The following TBCK variants were observed in gnomAD, a reference collection of about 807,000 sequenced individuals.
The protein encoded by TBCK is TBC domain-containing protein kinase-like protein.
TBCK carries 99 observed loss-of-function variants against 113.4 expected under a neutral mutation model. The observed-to-expected ratio is 0.87, with a 90% confidence interval of 0.74 to 1.03. The LOEUF (loss-of-function observed/expected upper bound fraction) is 1.03, where lower values mean the gene tolerates loss of function less well. Ranked by LOEUF, TBCK falls within the 50% of genes least tolerant of loss-of-function variation. The probability of loss-of-function intolerance (pLI) is 0.00; values close to 1 mark genes in which losing one functional copy is unlikely to be tolerated. For synonymous variants in TBCK, 369 were observed against 370.8 expected (o/e 1.00, Z 0.05); for missense variants, 1,045 against 1,061.3 (o/e 0.98, Z 0.21).
chr4:106,266,512 C>T (rs967258119), intron 3 of TBCK, among the ~76,000 whole-genome samples: 1 of 151,902 alleles, frequency 6.6e-6, no homozygotes, highest in African/African-American at 2.4e-5. Context: ...ACTCTCTATA[C>T]TGTGCTTTTG....
chr4:106,228,602 T>C (rs1181592592), intron 19 of TBCK, among the ~76,000 whole-genome samples: 1 of 152,078 alleles, frequency 6.6e-6, no homozygotes, highest in African/African-American at 2.4e-5. Flanking sequence ...TGAATAGTAC[T>C]CCATTGTGTA....
At chr4:106,189,642 T>G (rs908085415) in intron 22 of TBCK, among the ~76,000 whole-genome samples, 1 of 152,176 alleles carries the variant, frequency 6.6e-6, no homozygotes, top group African/African-American at 2.4e-5. Context: ...TTGAAAAAAA[T>G]GTAGAGAGAT....
chr4:106,237,533 C>G (rs1399175135), intron 12 of TBCK: 1 of 455,716 alleles, frequency 2.2e-6, no homozygotes, highest in African/African-American at 2.0e-5. Flanking sequence ...GGCAGAATGT[C>G]TGCTCCTATG....
At chr4:106,065,673 A>AT (rs1295639863) in intron 25 of TBCK, among the ~76,000 whole-genome samples, 1 of 151,980 alleles carries the variant, frequency 6.6e-6, no homozygotes, top group Non-Finnish European at 1.5e-5. Context: ...AGATTATCTG[A>AT]TTTTTCTTAA....
intron 25 of TBCK, among the ~76,000 whole-genome samples, chr4:106,063,595 G>T (rs892528060): frequency 6.6e-6 from 1 of 151,920 alleles, no homozygotes; most frequent in African/African-American, 2.4e-5. Flanking sequence ...GCAAAGGGGG[G>T]AAGGTGACAG....
At chr4:106,316,662 C>T, upstream of TBCK, 1 of 1,492,556 alleles carries the variant, frequency 6.7e-7, no homozygotes, top group Non-Finnish European at 9.1e-7. Flanking sequence ...TCTTCCTTCT[C>T]TAACTTGCCT....
chr4:106,216,323 A>G (rs1468935419), intron 19 of TBCK, among the ~76,000 whole-genome samples: 1 of 151,972 alleles, frequency 6.6e-6, no homozygotes, highest in Non-Finnish European at 1.5e-5. Flanking sequence ...AAGCAAGAGC[A>G]AACACATTCA....
Position 106,250,440 on chromosome 4 carries a change from T to G in TBCK, c.636A>C (p.Arg212Ser), listed in dbSNP as rs776987269. ...TACCCAAAGTAAGCAAAAATTTTAG[T>G]CTTTCAGAAATATCCAAGCTCTGAA... is the stretch of plus-strand genomic sequence containing the variant. ...KLFQSLDISE[R>S]LKFLLTLDCV... is the part of the protein sequence containing the mutation. Residue 212 changes from arginine to serine, a missense_variant, in exon 7 of 26, where the codon AGA (arginine) becomes AGC (serine). By Grantham distance (110) the Arg-to-Ser change is moderately radical. Transcript: ENST00000394708. 1 of 1,568,988 alleles carries G rather than the reference T, an allele frequency of 6.4e-7. No homozygotes were observed. Among genetic ancestry groups the G allele is most frequent in the Non-Finnish European group, 8.7e-7 (1 of 1,148,774 alleles).
rs1213112639 is a variant in TBCK, at chr4:106,046,445, T to G, written c.*125A>C. On this transcript the variant is annotated 3_prime_UTR_variant, in exon 26 of 26. Transcript: ENST00000394708. ...TTATGAGATTTTAAAAAATGTCTCGTGACAAACTTTACGGAAATGCAACAA... is the reference window on the plus strand; with the variant it reads ...TTATGAGATTTTAAAAAATGTCTCGGGACAAACTTTACGGAAATGCAACAA... 3 of 579,762 alleles carry G rather than the reference T, an allele frequency of 5.2e-6. No individual in the cohort carries two copies. Among genetic ancestry groups the G allele is most frequent in the Non-Finnish European group, 9.3e-6 (3 of 323,740 alleles). The allele number at this position is 579,762 out of a possible 1,614,324, so 35.9% of individuals were successfully genotyped here.
intron 23 of TBCK, among the ~76,000 whole-genome samples, chr4:106,126,693 C>A (rs922239105): frequency 2.6e-5 from 4 of 152,072 alleles, no homozygotes; most frequent in Non-Finnish European, 5.9e-5. Context: ...TTCTGCAGAG[C>A]AGAATCAATT....
intron 20 of TBCK, among the ~76,000 whole-genome samples, chr4:106,207,350 G>A (rs1413736731): frequency 6.6e-6 from 1 of 152,130 alleles, no homozygotes; most frequent in Non-Finnish European, 1.5e-5. Context: ...AAAGATTAAT[G>A]AGGGCTTACT....
chr4:106,309,049 A>G, intron 1 of TBCK, 60 bp from the exon 2 acceptor site: 2 of 1,141,940 alleles, frequency 1.8e-6, no homozygotes, highest in Non-Finnish European at 2.5e-6. Context: ...CCAAATCTTA[A>G]GCATGATTAA....
At chr4:106,142,263 T>G (rs540293192) in intron 23 of TBCK, among the ~76,000 whole-genome samples, 1 of 152,306 alleles carries the variant, frequency 6.6e-6, no homozygotes, top group East Asian at 1.9e-4. Context: ...GCAGGGTTTT[T>G]AAGTTGCTCA....
chr4:106,073,951 G>A lies in TBCK; in HGVS notation c.2571+21531C>T, dbSNP rs145762773. 6.6e-5 allele frequency among the ~76,000 whole-genome samples: 10 copies of A among 152,314 alleles called. No homozygotes were observed. The East Asian group carries it at 7.7e-4, about 12-fold the overall frequency. ...ACAGGATATAATCTCCTGGAGTGCC[G>A]TTTGCTAAGACCATTGGAAAAGTGC... On this transcript the variant is annotated intron_variant, in intron 25 of 25. Transcript: ENST00000394708.
intron 20 of TBCK, among the ~76,000 whole-genome samples, chr4:106,205,310 AATGACAAATTC>A (rs1208210573): frequency 6.6e-6 from 1 of 152,190 alleles, no homozygotes; most frequent in Non-Finnish European, 1.5e-5. Flanking sequence ...AATATTTTTC[AATGACAAATTC>A]ATGACACTAC....
Position 106,235,342 on chromosome 4 carries a change from ATTTGGTTT to A in TBCK, c.1368_1375del (p.Lys456AsnfsTer8). On this transcript the variant is annotated frameshift_variant, in exon 15 of 26. Coordinates refer to ENST00000394708, the MANE Select transcript of TBCK (RefSeq NM_001163435.3). LOFTEE classifies it high-confidence loss of function. Reference sequence around the variant, plus strand: ...AATGTCAACTCTTGCTTCTTTCCAGATTTGGTTTTTTTTATATGGATAAGCCTATGATA... The same window carrying A: ...AATGTCAACTCTTGCTTCTTTCCAGATTTTTATATGGATAAGCCTATGATA... The A allele has an allele frequency of 6.2e-7, 1 of 1,609,490 alleles. No individual in the cohort carries two copies. Among genetic ancestry groups the A allele is most frequent in the Non-Finnish European group, 8.5e-7 (1 of 1,177,998 alleles).
At chr4:106,309,235 T>A (rs989568777) in intron 1 of TBCK, among the ~76,000 whole-genome samples, 4 of 150,746 alleles carry the variant, frequency 2.7e-5, no homozygotes, top group African/African-American at 9.7e-5. Context: ...CCATTCTCAA[T>A]GACATTTGAC....
At chr4:106,211,788 G>C (rs1177799597) in intron 20 of TBCK, among the ~76,000 whole-genome samples, 1 of 151,818 alleles carries the variant, frequency 6.6e-6, no homozygotes, top group Non-Finnish European at 1.5e-5. Flanking sequence ...TAATATTCTA[G>C]AGTATAGCCT....
intron 19 of TBCK, among the ~76,000 whole-genome samples, chr4:106,216,343 A>C (rs573930637): frequency 0.045 from 6,810 of 152,096 alleles, 505 homozygotes; most frequent in African/African-American, 0.15. Flanking sequence ...AAAAGCTAGC[A>C]GAAGGCAAGA....
Sources: gnomAD v4.1 joint callset for allele counts (sites outside exome capture counted in the v4.1 genomes callset) on GRCh38, gnomAD v4.1.1 for gene constraint, MANE v1.5 for transcripts, NCBI Gene and HGNC (gene_info 2026-07-23, HGNC 2026-07-21) for gene names.